STK32B: variants seen among roughly 807,000 people sequenced by gnomAD.
STK32B encodes serine/threonine kinase 32B.
STK32B carries 43 observed loss-of-function variants against 52.6 expected under a neutral mutation model. The ratio of observed to expected loss-of-function variants is 0.82; its 90% CI spans 0.64 to 1.05. The LOEUF (loss-of-function observed/expected upper bound fraction) is 1.05, where lower values mean the gene tolerates loss of function less well. STK32B is among the 50% of genes least tolerant of loss of function. The probability of loss-of-function intolerance (pLI) is 0.00; values close to 1 mark genes in which losing one functional copy is unlikely to be tolerated. For missense variants in STK32B, 621 were observed against 534.6 expected (o/e 1.16, Z -1.59); for synonymous variants, 238 against 204.3 (o/e 1.17, Z -1.41).
At chr4:5,135,183 A>C (rs1272621108) in intron 1 of STK32B, among the ~76,000 whole-genome samples, 1 of 152,252 alleles carries the variant, frequency 6.6e-6, no homozygotes, top group Admixed American at 6.5e-5. Context: ...AACATAGAAT[A>C]ATATTCATAG....
Position 5,446,796 on chromosome 4 carries a change from G to A in STK32B, c.666+20G>A, listed in dbSNP as rs750780128. The A allele has an allele frequency of 9.6e-5, 155 of 1,612,152 alleles. 2 individuals are homozygous for A. Among genetic ancestry groups the A allele is most frequent in the South Asian group, 9.3e-4 (85 of 91,022 alleles). ...GGCTGGGTAAGACAGGCACCTGTGC[G>A]GTACACACGAGGGGCTGTGCAGTGG... On this transcript the variant is annotated intron_variant, in intron 7 of 11. Transcript: ENST00000282908.
Position 5,467,368 on chromosome 4 carries a change from C to T in STK32B, c.1041+534C>T, listed in dbSNP as rs1438380554. ...CCCAGGCTTCGAGTGGCGGCCGGCC[C>T]CCTTGTCCTTCGCTGGCTCGCAGCT... On this transcript the variant is annotated intron_variant, in intron 10 of 11. Coordinates refer to ENST00000282908, the MANE Select transcript of STK32B (RefSeq NM_018401.3). This position sits in a 1 kb window ranked among gnomAD's most constrained non-coding sequence, Gnocchi z 5.8. 6.6e-6 allele frequency among the ~76,000 whole-genome samples: 1 copy of T among 152,156 alleles called. No homozygotes were observed. The highest frequency in any genetic ancestry group is 1.5e-5 in the Non-Finnish European group (1 of 68,030).
At chr4:5,296,308 G>A (rs1421087936) in intron 3 of STK32B, among the ~76,000 whole-genome samples, 1 of 152,130 alleles carries the variant, frequency 6.6e-6, no homozygotes, top group Non-Finnish European at 1.5e-5. Context: ...TTCAAGTCCT[G>A]AATATCCTTG....
chr4:5,488,197 C>G, intron 11 of STK32B, among the ~76,000 whole-genome samples: 1 of 152,140 alleles, frequency 6.6e-6, no homozygotes, highest in East Asian at 1.9e-4. Context: ...ACTCAGGAGG[C>G]TGAGGCTGGA....
chr4:5,212,342 T>C (rs1722955083), intron 3 of STK32B, among the ~76,000 whole-genome samples: 1 of 152,126 alleles, frequency 6.6e-6, no homozygotes, highest in African/African-American at 2.4e-5. Flanking sequence ...TTTGTGCAAG[T>C]AATATTCAGA....
intron 3 of STK32B, among the ~76,000 whole-genome samples, chr4:5,267,502 G>C (rs187816098): frequency 2.0e-5 from 3 of 152,238 alleles, no homozygotes; most frequent in Admixed American, 1.3e-4. Context: ...AGCTCCCCTA[G>C]GAGAGTGTGG....
At position 5,243,853 on chromosome 4, in the gene STK32B, T is replaced by A. The variant is rs1266485969; in HGVS notation, c.260+75403T>A. ...TGAGATAATCATGTGGTTTTTGTCT[T>A]TGGTTCTGTTTATATGCTGGATTAT... On this transcript the variant is annotated intron_variant, in intron 3 of 11. Transcript: ENST00000282908. 2.0e-5 allele frequency among the ~76,000 whole-genome samples: 3 copies of A among 152,296 alleles called. No individual in the cohort carries two copies. The East Asian group carries it at 5.8e-4, about 29-fold the overall frequency.
chr4:5,330,807 A>T (rs1360273691), intron 3 of STK32B, among the ~76,000 whole-genome samples: 1 of 152,216 alleles, frequency 6.6e-6, no homozygotes, highest in Non-Finnish European at 1.5e-5. Flanking sequence ...GGAGAGCAGC[A>T]TGCATATGCA....
chr4:5,417,231 T>C (rs1712242028), intron 6 of STK32B, among the ~76,000 whole-genome samples: 1 of 152,252 alleles, frequency 6.6e-6, no homozygotes, highest in Non-Finnish European at 1.5e-5. Flanking sequence ...TTTCCATTTA[T>C]GTTCAGTATT....
At position 5,316,401 on chromosome 4, in the gene STK32B, T is replaced by C. The variant is rs1157720555; in HGVS notation, c.261-14819T>C. Among the ~76,000 whole-genome samples, 7 of 37,030 alleles carry C rather than the reference T, an allele frequency of 1.9e-4. 2 individuals are homozygous for C. The highest frequency in any genetic ancestry group is 1.5e-3 in the African/African-American group (5 of 3,296). The allele number at this position is 37,030 out of a possible 152,430, so 24.3% of individuals were successfully genotyped here. A position where few individuals can be genotyped will look rare whatever the true frequency, so the allele number is the denominator to read the frequency against. ...AATTATATATATAATATATTACATA[T>C]ATAATATATAATATATATTACATAT... On this transcript the variant is annotated intron_variant, in intron 3 of 11. Transcript: ENST00000282908.
At chr4:5,433,936 C>G (rs1713809948) in intron 6 of STK32B, among the ~76,000 whole-genome samples, 1 of 152,178 alleles carries the variant, frequency 6.6e-6, no homozygotes, top group Non-Finnish European at 1.5e-5. Context: ...ATTTCACGCC[C>G]CATGTTCCTG....
intron 1 of STK32B, among the ~76,000 whole-genome samples, chr4:5,098,594 A>G (rs57771416): frequency 1.3e-3 from 197 of 152,348 alleles, no homozygotes; most frequent in African/African-American, 4.5e-3. Flanking sequence ...TCCACTTTAT[A>G]GGTGAGGAGA....
chr4:5,092,632 A>G (rs1327638567), intron 1 of STK32B, among the ~76,000 whole-genome samples: 2 of 152,158 alleles, frequency 1.3e-5, no homozygotes, highest in Admixed American at 6.5e-5. Context: ...CACGGGAAAC[A>G]TAGTGGCTTC....
At chr4:5,405,371 C>T (rs1471977287) in intron 5 of STK32B, among the ~76,000 whole-genome samples, 1 of 152,068 alleles carries the variant, frequency 6.6e-6, no homozygotes, top group East Asian at 1.9e-4. Flanking sequence ...CCTAAATTCA[C>T]CCGTCACATC....
intron 3 of STK32B, among the ~76,000 whole-genome samples, chr4:5,297,110 T>C (rs1454951570): frequency 1.3e-5 from 2 of 152,194 alleles, no homozygotes; most frequent in African/African-American, 4.8e-5. Context: ...TTGGCCCCAC[T>C]CTCGTCTGTC....
At chr4:5,498,826 A>T in intron 11 of STK32B, 119 bp from the exon 12 acceptor site, 2 of 1,356,366 alleles carry the variant, frequency 1.5e-6, no homozygotes, top group Non-Finnish European at 2.0e-6. Context: ...CAATCTTCCC[A>T]GGTAGGGGAA....
At chr4:5,231,890 C>A (rs972065360) in intron 3 of STK32B, among the ~76,000 whole-genome samples, 1 of 152,052 alleles carries the variant, frequency 6.6e-6, no homozygotes, top group Non-Finnish European at 1.5e-5. Context: ...ATTAGCAGAG[C>A]CTTGTGCTGA....
intron 3 of STK32B, among the ~76,000 whole-genome samples, chr4:5,194,433 C>T (rs891305953): frequency 3.9e-5 from 6 of 152,114 alleles, no homozygotes; most frequent in Non-Finnish European, 5.9e-5. Flanking sequence ...GGGACCTTGC[C>T]CTTTGCTCAT....
chr4:5,215,667 A>G (rs1255463002), intron 3 of STK32B, among the ~76,000 whole-genome samples: 2 of 152,126 alleles, frequency 1.3e-5, no homozygotes, highest in Admixed American at 6.5e-5. Context: ...GATTTTTGTC[A>G]TATTTATGCA....
Sources: allele counts gnomAD v4.1 joint callset (sites outside exome capture counted in the v4.1 genomes callset), GRCh38; gene constraint gnomAD v4.1.1; non-coding constraint Gnocchi (gnomAD v3.1); transcripts MANE v1.5; gene names NCBI Gene and HGNC (gene_info 2026-07-23, HGNC 2026-07-21).